The following PLCG2 variants were observed in gnomAD, a reference collection of about 807,000 sequenced individuals.
PLCG2 encodes 1-phosphatidylinositol 4,5-bisphosphate phosphodiesterase gamma-2.
In PLCG2, 69 loss-of-function variants were observed where a neutral mutation model predicts 175.6. That is an observed-to-expected ratio of 0.39 (90% CI 0.32 to 0.48). The LOEUF (loss-of-function observed/expected upper bound fraction) is 0.48. Ranked by LOEUF, PLCG2 falls within the 20% of genes least tolerant of loss-of-function variation. PLCG2 has a pLI of 0.91. For synonymous variants in PLCG2, 827 were observed against 624.0 expected, an observed-to-expected ratio of 1.33 and a Z score of -4.85; for missense variants, 1,798 against 1,650.9, an observed-to-expected ratio of 1.09 and a Z score of -1.54.
intron 1 of PLCG2, among the ~76,000 whole-genome samples, chr16:81,749,927 G>A (rs1362890405): frequency 2.0e-5 from 3 of 152,056 alleles, no homozygotes; most frequent in Admixed American, 1.3e-4. Context: ...CCATCTACGC[G>A]GCGGAATGCA....
chr16:81,897,631 C>T (rs936640477), intron 13 of PLCG2, among the ~76,000 whole-genome samples: 5 of 151,202 alleles, frequency 3.3e-5, no homozygotes, highest in African/African-American at 9.7e-5. Context: ...CTGCAACCTC[C>T]ACCTCCTGAG....
At chr16:81,864,266 A>G (rs927728577) in intron 5 of PLCG2, among the ~76,000 whole-genome samples, 1 of 152,208 alleles carries the variant, frequency 6.6e-6, no homozygotes, top group Non-Finnish European at 1.5e-5. Flanking sequence ...GGAGCTACTT[A>G]GAGAAGCAGA....
chr16:81,931,221 C>G (rs1418130296), intron 24 of PLCG2: 1 of 258,424 alleles, frequency 3.9e-6, no homozygotes, highest in Non-Finnish European at 7.3e-6. Context: ...GATCCTTAAC[C>G]TAAGTACATC....
chr16:81,889,137 C>T (rs1396450198), intron 9 of PLCG2, 35 bp from the exon 10 acceptor site: 2 of 1,284,266 alleles, frequency 1.6e-6, no homozygotes, highest in African/African-American at 1.5e-5. Context: ...TCAGTTCTCA[C>T]TTTGCTGATC....
Position 81,944,305 on chromosome 16 carries a change from T to TTGAAAACATTATGTATCGAACATA in PLCG2, c.3482-1867_3482-1844dup, listed in dbSNP as rs1388016431. On this transcript the variant is annotated intron_variant, in intron 30 of 32. Coordinates refer to ENST00000564138, the MANE Select transcript of PLCG2 (RefSeq NM_002661.5). ...AACCAAGCTTGGGTTGAAAATATTT[T>TTGAAAACATTATGTATCGAACATA]TGAAAACATTATGTATCGAACATAT... 2.2e-4 allele frequency among the ~76,000 whole-genome samples: 33 copies of TTGAAAACATTATGTATCGAACATA among 147,614 alleles called. 1 individual carries two copies. The highest frequency in any genetic ancestry group is 3.4e-3 in the Middle Eastern group (1 of 292).
intron 2 of PLCG2, among the ~76,000 whole-genome samples, chr16:81,813,369 T>C (rs1315567322): frequency 2.0e-5 from 3 of 152,210 alleles, no homozygotes; most frequent in Non-Finnish European, 4.4e-5. Flanking sequence ...TGTAGTTCTC[T>C]TTGAAGAGGT....
Position 81,928,632 on chromosome 16 carries a change from C to A in PLCG2, c.2581+8C>A, listed in dbSNP as rs1910376596. On this transcript the variant is annotated splice_region_variant and intron_variant, in intron 24 of 32. Transcript: ENST00000564138. ...TCAATACCTATAACGTCGGTACGTG[C>A]ACACATCATCTTAGCCTGGATTTCC... is the stretch of plus-strand genomic sequence containing the variant. 3.8e-6 allele frequency: 6 copies of A among 1,577,858 alleles called. No individual in the cohort carries two copies. The highest frequency in any genetic ancestry group is 5.2e-6 in the Non-Finnish European group (6 of 1,146,940).
intron 2 of PLCG2, among the ~76,000 whole-genome samples, chr16:81,795,298 G>A (rs1911417412): frequency 6.6e-6 from 1 of 152,216 alleles, no homozygotes; most frequent in Admixed American, 6.5e-5. Context: ...GCTGGGGAAG[G>A]CCTCAGGGTG....
Position 81,927,068 on chromosome 16 carries a change from C to T in PLCG2, c.2418-14C>T. The T allele has an allele frequency of 5.1e-6, 8 of 1,584,068 alleles. No homozygotes were observed. The highest frequency in any genetic ancestry group is 6.9e-6 in the Non-Finnish European group (8 of 1,152,490). ...CCTGGTGACAGCGCCCCCATGTCCT[C>T]TCTTCTTATCCAGGTGGAAAGGAGA... On this transcript the variant is annotated splice_polypyrimidine_tract_variant and intron_variant, in intron 22 of 32. Transcript: ENST00000564138.
rs375598204 is a variant in PLCG2, at chr16:81,869,221, C to G, written c.487C>G (p.Leu163Val). 6.2e-7 allele frequency: 1 copy of G among 1,613,390 alleles called. No individual in the cohort carries two copies. The highest frequency in any genetic ancestry group is 1.1e-5 in the South Asian group (1 of 91,078). The change falls in exon 6 of 33, where the codon CTC (leucine) becomes GTC (valine). Residue 163 changes from leucine (L) to valine (V), a missense_variant. Leu to Val is a conservative substitution (Grantham distance 32, BLOSUM62 1). Transcript: ENST00000564138. ...VDQTRRNSISLRELKTILPLI... is the reference protein window; with the variant it reads ...VDQTRRNSISVRELKTILPLI... ...GGTCTCCCTCTTTTGCAGCATCAGT[C>G]TCCGAGAGTTGAAGACCATCTTGCC...
chr16:81,936,439 C>T (rs1034618020), intron 27 of PLCG2, 61 bp downstream of exon 27: 86 of 1,374,930 alleles, frequency 6.3e-5, no homozygotes, highest in South Asian at 4.7e-5. Flanking sequence ...CACTCCAGGC[C>T]GAGTCACCTT....
chr16:81,741,129 C>T (rs1049155836), intron 1 of PLCG2, among the ~76,000 whole-genome samples: 12 of 152,216 alleles, frequency 7.9e-5, no homozygotes, highest in East Asian at 1.9e-4. Context: ...AGCCTCACAC[C>T]GAGACACTGG....
intron 12 of PLCG2, 138 bp downstream of exon 12, chr16:81,893,932 G>A: frequency 1.9e-6 from 1 of 520,838 alleles, no homozygotes; most frequent in Non-Finnish European, 3.3e-6. Flanking sequence ...GAGTTAGAGT[G>A]TGATGTTTCT....
At chr16:81,931,474 A>G (rs1456682289) in intron 24 of PLCG2, 23 bp from the exon 25 acceptor site, 1 of 1,611,442 alleles carries the variant, frequency 6.2e-7, no homozygotes, top group Non-Finnish European at 8.5e-7. Flanking sequence ...TGATTGGGAC[A>G]TTTCTTATTC....
chr16:81,741,823 T>G (rs1909601261), intron 1 of PLCG2, among the ~76,000 whole-genome samples: 1 of 152,152 alleles, frequency 6.6e-6, no homozygotes, highest in Admixed American at 6.5e-5. Flanking sequence ...AAATGTATAA[T>G]GATCAAATCA....
chr16:81,831,602 G>C (rs1319793259), intron 2 of PLCG2, among the ~76,000 whole-genome samples: 2 of 152,198 alleles, frequency 1.3e-5, no homozygotes, highest in Admixed American at 1.3e-4. Flanking sequence ...CCAGTGCTGG[G>C]AAAGAGGGAG....
chr16:81,950,713 C>A (rs1026488092), intron 31 of PLCG2, among the ~76,000 whole-genome samples: 1 of 152,098 alleles, frequency 6.6e-6, no homozygotes, highest in African/African-American at 2.4e-5. Flanking sequence ...GGCAAAATTG[C>A]TCACAATTTG....
chr16:81,883,423 C>T, intron 9 of PLCG2, 82 bp downstream of exon 9: 1 of 1,143,800 alleles, frequency 8.7e-7, no homozygotes, highest in Non-Finnish European at 1.3e-6. Flanking sequence ...GCCGCCTGTG[C>T]TCACCTGGTC....
intron 1 of PLCG2, among the ~76,000 whole-genome samples, chr16:81,784,032 C>T (rs1910861360): frequency 6.6e-6 from 1 of 152,160 alleles, no homozygotes; most frequent in Non-Finnish European, 1.5e-5. Context: ...CCCGCCGTGC[C>T]CCCAGTGCAT....
Sources: allele counts gnomAD v4.1 joint callset (sites outside exome capture counted in the v4.1 genomes callset), GRCh38; gene constraint gnomAD v4.1.1; transcripts MANE v1.5; gene names NCBI Gene and HGNC (gene_info 2026-07-23, HGNC 2026-07-21).